CDH13: variants seen among roughly 807,000 people sequenced by gnomAD.
CDH13 encodes cadherin-13.
CDH13 carries 24 observed loss-of-function variants against 63.8 expected under a neutral mutation model. The observed-to-expected ratio is 0.38, with a 90% confidence interval of 0.27 to 0.53. CDH13 has a LOEUF of 0.53. Ranked by LOEUF, CDH13 falls within the 20% of genes least tolerant of loss-of-function variation. The pLI is 0.85. For synonymous variants in CDH13, 503 were observed against 355.3 expected (o/e 1.42, Z -4.67); for missense variants, 1,049 against 903.1 (o/e 1.16, Z -2.07).
rs568243983 is a variant in CDH13 at position 83,043,095 on chromosome 16, A to G, written c.366+10877A>G. Among the ~76,000 whole-genome samples, 15 of 152,356 alleles carry G rather than the reference A, an allele frequency of 9.8e-5. No individual in the cohort carries two copies. In the South Asian group the frequency reaches 3.1e-3, roughly 32 times the overall value. The stretch of plus-strand genomic sequence containing the variant: ...AGAATTGGGCCTAGAATTCAATAAT[A>G]GGCTGTTACATCTTGACACATGCCT... On this transcript the variant is annotated intron_variant, in intron 3 of 13. Transcript: ENST00000567109.
chr16:83,539,543 A>C (rs1485085165), intron 7 of CDH13, among the ~76,000 whole-genome samples: 1 of 152,206 alleles, frequency 6.6e-6, no homozygotes, highest in Non-Finnish European at 1.5e-5. Flanking sequence ...CGAAACATTG[A>C]AAGAGGGAAA....
intron 8 of CDH13, among the ~76,000 whole-genome samples, chr16:83,668,736 G>A (rs1184538019): frequency 1.3e-5 from 2 of 152,204 alleles, no homozygotes; most frequent in Admixed American, 1.3e-4. Context: ...GTCACTAAAC[G>A]ACTTTGGGCA....
chr16:83,165,915 C>G (rs1222982528), intron 4 of CDH13, among the ~76,000 whole-genome samples: 2 of 152,022 alleles, frequency 1.3e-5, no homozygotes, highest in Non-Finnish European at 2.9e-5. Context: ...AGAAGAGTAG[C>G]CTGGAATCAA....
intron 5 of CDH13, among the ~76,000 whole-genome samples, chr16:83,308,218 T>G (rs534315238): frequency 6.6e-6 from 1 of 152,326 alleles, no homozygotes; most frequent in South Asian, 2.1e-4. Context: ...TACCGTCAAA[T>G]TAAAGACTAG....
chr16:82,942,435 C>G (rs984278988), intron 2 of CDH13, among the ~76,000 whole-genome samples: 1 of 152,164 alleles, frequency 6.6e-6, no homozygotes, highest in Admixed American at 6.5e-5. Context: ...TTAAAACTAT[C>G]CTGTTATAAG....
intron 11 of CDH13, among the ~76,000 whole-genome samples, chr16:83,760,977 A>G (rs1244736597): frequency 6.6e-6 from 1 of 152,224 alleles, no homozygotes; most frequent in Non-Finnish European, 1.5e-5. Context: ...AGCAAAGCAA[A>G]TCATGTTCCC....
At chr16:83,658,419 CGT>C (rs1567490682) in intron 8 of CDH13, among the ~76,000 whole-genome samples, 713 of 128,330 alleles carry the variant, frequency 5.6e-3, no homozygotes, top group African/African-American at 0.012. Flanking sequence ...CACCAGGTCC[CGT>C]ATCCTCAGCA....
chr16:82,806,846 A>G (rs933863320), intron 1 of CDH13, among the ~76,000 whole-genome samples: 3 of 152,210 alleles, frequency 2.0e-5, no homozygotes, highest in African/African-American at 4.8e-5. Flanking sequence ...AAAGAAGGAC[A>G]AAACATAACT....
At chr16:82,847,497 T>G (rs929202834) in intron 1 of CDH13, among the ~76,000 whole-genome samples, 1 of 152,206 alleles carries the variant, frequency 6.6e-6, no homozygotes. Flanking sequence ...TGCCCTCACC[T>G]TCATCATCAC....
At chr16:83,518,943 C>G (rs1174594692) in intron 7 of CDH13, among the ~76,000 whole-genome samples, 1 of 152,188 alleles carries the variant, frequency 6.6e-6, no homozygotes, top group African/African-American at 2.4e-5. Context: ...ATTACCCAGT[C>G]TCTGGTATGT....
chr16:82,942,819 A>G (rs1426497801), intron 2 of CDH13, among the ~76,000 whole-genome samples: 3 of 152,192 alleles, frequency 2.0e-5, no homozygotes, highest in South Asian at 2.1e-4. Flanking sequence ...AGGTTTCCCA[A>G]TAGATCCACC....
intron 1 of CDH13, among the ~76,000 whole-genome samples, chr16:82,691,710 C>T (rs1915663652): frequency 6.6e-6 from 1 of 152,090 alleles, no homozygotes; most frequent in Non-Finnish European, 1.5e-5. Flanking sequence ...TTTCCTCGGG[C>T]TTCAGAAGAG....
rs894091086 is a variant in CDH13 at position 83,201,772 on chromosome 16, C to T, written c.484-15573C>T. ...AAAAAAAAAAAACACAAAAAATTAG[C>T]CGGGCGTGGTAGCGGGTGCCTGTAG... On this transcript the variant is annotated intron_variant, in intron 4 of 13. Transcript: ENST00000567109. Among the ~76,000 whole-genome samples, 5 of 151,574 alleles carry T rather than the reference C, an allele frequency of 3.3e-5. No individual in the cohort carries two copies. The South Asian group carries it at 6.3e-4, about 19-fold the overall frequency.
chr16:83,520,980 C>G (rs78047877), intron 7 of CDH13, among the ~76,000 whole-genome samples: 13,289 of 152,086 alleles, frequency 0.087, 654 homozygotes, highest in African/African-American at 0.14. Context: ...CATCGCCTCC[C>G]AAACTTCAAT....
chr16:83,520,323 G>A (rs1425651008), intron 7 of CDH13, among the ~76,000 whole-genome samples: 1 of 152,142 alleles, frequency 6.6e-6, no homozygotes, highest in Non-Finnish European at 1.5e-5. Flanking sequence ...AAAACAAAAA[G>A]GATTTATGGT....
intron 1 of CDH13, among the ~76,000 whole-genome samples, chr16:82,629,058 G>T (rs550433890): frequency 1.3e-5 from 2 of 152,310 alleles, no homozygotes; most frequent in African/African-American, 4.8e-5. Flanking sequence ...TTTCTTGGCA[G>T]GTTTCAACCT....
At chr16:83,741,021 C>A (rs1912009490) in intron 10 of CDH13, among the ~76,000 whole-genome samples, 1 of 152,202 alleles carries the variant, frequency 6.6e-6, no homozygotes, top group Non-Finnish European at 1.5e-5. Context: ...CATGGCAGTC[C>A]TTTCTGTTTA....
intron 7 of CDH13, among the ~76,000 whole-genome samples, chr16:83,508,059 G>GGAAGGAAGGAAGGACA (rs2074447215): frequency 4.7e-5 from 1 of 21,490 alleles, no homozygotes; most frequent in African/African-American, 1.2e-4. Context: ...AAGAGAAGAA[G>GGAAGGAAGGAAGGACA]GAAGGAAGGA....
intron 1 of CDH13, among the ~76,000 whole-genome samples, chr16:82,678,358 T>C (rs920026090): frequency 1.3e-5 from 2 of 151,618 alleles, no homozygotes; most frequent in African/African-American, 4.8e-5. Context: ...CAATTTTTAC[T>C]ACATGATTTC....
Sources: allele counts gnomAD v4.1 joint callset (sites outside exome capture counted in the v4.1 genomes callset), GRCh38; gene constraint gnomAD v4.1.1; transcripts MANE v1.5; gene names NCBI Gene and HGNC (gene_info 2026-07-23, HGNC 2026-07-21).